TRPM2: variants seen among roughly 807,000 people sequenced by gnomAD.
TRPM2 encodes estrogen-responsive element-associated gene 1 protein.
A neutral mutation model predicts 174.0 loss-of-function variants in TRPM2; 161 were observed. The observed-to-expected ratio is 0.93, with a 90% CI of 0.81 to 1.05. TRPM2 has a LOEUF of 1.05. TRPM2 is among the 50% of genes least tolerant of loss of function. The pLI is 0.00. For synonymous variants in TRPM2, 954 were observed against 861.3 expected, an observed-to-expected ratio of 1.11 and a Z score of -1.88; for missense variants, 2,057 against 2,038.0, an observed-to-expected ratio of 1.01 and a Z score of -0.18.
rs1235080002 is a variant in TRPM2, at chr21:44,405,149, A to T, written c.2546A>T (p.Tyr849Phe). 6.2e-7 allele frequency: 1 copy of T among 1,613,430 alleles called. No individual in the cohort carries two copies. Among genetic ancestry groups the T allele is most frequent in the Admixed American group, 1.7e-5 (1 of 59,994 alleles). Residue 849 changes from tyrosine (Y) to phenylalanine (F), a missense_variant, in exon 17 of 32, where the codon TAT becomes TTT. Physicochemically the swap from Tyr to Phe is conservative, Grantham distance 22. Transcript: ENST00000397928. Reference protein sequence around the residue: ...LVCEEMRQLFYDPDECGLMKK... With the variant: ...LVCEEMRQLFFDPDECGLMKK... ...CGCCCCTCTTCCCAGTAGCTCTTCT[A>T]TGACCCTGACGAGTGCGGGCTGATG... is the stretch of plus-strand genomic sequence containing the variant.
rs996097837 is a variant in TRPM2 at position 44,441,883 on chromosome 21, C to T, written c.*66C>T. The stretch of plus-strand genomic sequence containing the variant: ...CCCCCAGAAACCAGGGCTTCTCTCT[C>T]CTGAGCCTGGCCAGGACTCAGGCTG... On this transcript the variant is annotated 3_prime_UTR_variant, in exon 32 of 32. Coordinates refer to ENST00000397928, the MANE Select transcript of TRPM2 (RefSeq NM_003307.4). 1.3e-5 allele frequency: 20 copies of T among 1,517,022 alleles called. No individual in the cohort carries two copies. In the African/African-American group the frequency reaches 2.1e-4, roughly 16 times the overall value. The allele number at this position is 1,517,022 out of a possible 1,614,324, so 94.0% of individuals were successfully genotyped here.
rs771983337 is a variant in TRPM2, at chr21:44,405,931, G to C, written c.2684G>C (p.Gly895Ala). ...CTCATCCCGGCGACGCTGTACCCCGGGCGCGTCATCCTCTCTCTGGACTTC... is the reference window on the plus strand; with the variant it reads ...CTCATCCCGGCGACGCTGTACCCCGCGCGCGTCATCCTCTCTCTGGACTTC... ...CRLIPATLYPGRVILSLDFIL... is the reference protein window; with the variant it reads ...CRLIPATLYPARVILSLDFIL... Residue 895 changes from glycine (G) to alanine (A), a missense_variant, in exon 18 of 32, where the codon GGG becomes GCG. By Grantham distance (60) the Gly-to-Ala change is moderately conservative. Coordinates refer to ENST00000397928, the MANE Select transcript of TRPM2 (RefSeq NM_003307.4). The C allele has an allele frequency of 3.7e-6, 6 of 1,606,128 alleles. No individual in the cohort carries two copies. The highest frequency in any genetic ancestry group is 4.2e-6 in the Non-Finnish European group (5 of 1,179,688).
Position 44,410,345 on chromosome 21 carries a change from GTTGGTGTAGCCTTGTAGTAAGTTT to G in TRPM2, c.2963-3544_2963-3521del, listed in dbSNP as rs1569084348. Among the ~76,000 whole-genome samples the G allele has an allele frequency of 2.4e-3, 103 of 42,556 alleles. 2 individuals carry two copies. Among genetic ancestry groups the G allele is most frequent in the African/African-American group, 5.5e-3 (82 of 14,810 alleles). The allele number at this position is 42,556 out of a possible 152,430, so 27.9% of individuals were successfully genotyped here. On this transcript the variant is annotated intron_variant, in intron 19 of 31. Transcript: ENST00000397928. ...AGTAAGTTTTGACCACACTGTCTTG[GTTGGTGTAGCCTTGTAGTAAGTTT>G]TGACCACACTGTCTTGGTGTAGCCT...
At chr21:44,378,505 C>T (rs898662479) in intron 7 of TRPM2, among the ~76,000 whole-genome samples, 16 of 152,272 alleles carry the variant, frequency 1.1e-4, no homozygotes, top group African/African-American at 3.4e-4. Flanking sequence ...CTTCACGGCT[C>T]TTCTGCTGGG....
rs988914053 is a variant in TRPM2, at chr21:44,438,743, G to A, written c.4168-324G>A. Among the ~76,000 whole-genome samples the A allele has an allele frequency of 6.6e-6, 1 of 152,188 alleles. No homozygotes were observed. The highest frequency in any genetic ancestry group is 2.4e-5 in the African/African-American group (1 of 41,444). On this transcript the variant is annotated intron_variant, in intron 29 of 31. Transcript: ENST00000397928. The surrounding 1 kb of genome is among the most constrained non-coding windows in gnomAD (Gnocchi z 5.9). ...GCTGGGAGGGGCGACGCGGGGGCAG[G>A]CGCCAGGGGAGCGGGAAGGGGGTGC...
chr21:44,394,541 G>C lies in TRPM2; in HGVS notation c.1795-873G>C, dbSNP rs546960534. ...TCACTGCGTTAGCCAGGATGGTCTC[G>C]ATCTCCTGACCTCGTGATACTCCCG... On this transcript the variant is annotated intron_variant, in intron 11 of 31. Transcript: ENST00000397928. 7.9e-5 allele frequency among the ~76,000 whole-genome samples: 12 copies of C among 151,424 alleles called. No individual in the cohort carries two copies. The East Asian group carries it at 9.9e-4, about 13-fold the overall frequency.
intron 27 of TRPM2, among the ~76,000 whole-genome samples, chr21:44,428,884 C>T (rs2050928947): frequency 6.6e-6 from 1 of 152,258 alleles, no homozygotes; most frequent in Admixed American, 6.5e-5. Context: ...GCTCTGTATG[C>T]CTCTGTCCCA....
At position 44,366,192 on chromosome 21, in the gene TRPM2, G is replaced by T. The variant is rs994262856; in HGVS notation, c.424-562G>T. 6.6e-6 allele frequency among the ~76,000 whole-genome samples: 1 copy of T among 152,020 alleles called. No homozygotes were observed. Among genetic ancestry groups the T allele is most frequent in the Non-Finnish European group, 1.5e-5 (1 of 68,016 alleles). ...CGTGTTCAGACGGGAGGCAGAGGAA[G>T]CTGGGCCCACTGAGTCCCCAGGACG... On this transcript the variant is annotated intron_variant, in intron 3 of 31. Coordinates refer to ENST00000397928, the MANE Select transcript of TRPM2 (RefSeq NM_003307.4). The surrounding 1 kb of genome is among the most constrained non-coding windows in gnomAD (Gnocchi z 6.0).
rs1192845626 is a variant in TRPM2, at chr21:44,413,884, A to G, written c.2963-7A>G. 1.9e-6 allele frequency: 3 copies of G among 1,604,468 alleles called. No homozygotes were observed. Among genetic ancestry groups the G allele is most frequent in the African/African-American group, 1.3e-5 (1 of 74,636 alleles). ...CTTGGCTCACCCACCCCCATTCCCA[A>G]CGCCAGGTGTGAACTTCAACCCGGA... is the stretch of plus-strand genomic sequence containing the variant. On this transcript the variant is annotated splice_polypyrimidine_tract_variant and splice_region_variant and intron_variant, in intron 19 of 31. Transcript: ENST00000397928.
Position 44,391,563 on chromosome 21 carries a change from C to A in TRPM2, c.1732C>A (p.Pro578Thr). The A allele has an allele frequency of 1.3e-6, 2 of 1,594,590 alleles. No homozygotes were observed. The highest frequency in any genetic ancestry group is 1.7e-6 in the Non-Finnish European group (2 of 1,176,094). The change falls in exon 11 of 32, where the codon CCC (proline) becomes ACC (threonine). Residue 578 changes from proline to threonine, a missense_variant. Coordinates refer to ENST00000397928, the MANE Select transcript of TRPM2 (RefSeq NM_003307.4). This position sits in a 1 kb window ranked among gnomAD's most constrained non-coding sequence, Gnocchi z 5.0. ...GGGGGACTTCACGCAGCCGCTTTATCCCCGGCCCCGGCACAACGACCGGCT... is the reference window on the plus strand; with the variant it reads ...GGGGGACTTCACGCAGCCGCTTTATACCCGGCCCCGGCACAACGACCGGCT... ...LLGDFTQPLY[P>T]RPRHNDRLRL... is the part of the protein sequence containing the mutation.
chr21:44,391,519 A>G lies in TRPM2; in HGVS notation c.1688A>G (p.Gln563Arg). ...APRLQMHHVA[Q>R]VLRELLGDFT... ...CGCCTGCAGATGCACCACGTGGCCC[A>G]GGTGCTGCGGGAGCTGCTGGGGGAC... is the stretch of plus-strand genomic sequence containing the variant. The change falls in exon 11 of 32, where the codon CAG becomes CGG. Residue 563 changes from glutamine (Q) to arginine (R), a missense_variant. Gln to Arg is a conservative substitution (Grantham distance 43). Coordinates refer to ENST00000397928, the MANE Select transcript of TRPM2 (RefSeq NM_003307.4). The surrounding 1 kb of genome is among the most constrained non-coding windows in gnomAD (Gnocchi z 5.0). 1 of 1,608,368 alleles carries G rather than the reference A, an allele frequency of 6.2e-7. No homozygotes were observed. The highest frequency in any genetic ancestry group is 8.5e-7 in the Non-Finnish European group (1 of 1,178,946).
At chr21:44,433,325 C>T (rs1182554251) in intron 27 of TRPM2, among the ~76,000 whole-genome samples, 2 of 152,216 alleles carry the variant, frequency 1.3e-5, no homozygotes, top group African/African-American at 4.8e-5. Context: ...AGCTTCTTGA[C>T]CAATGCACTG....
Position 44,423,106 on chromosome 21 carries a change from C to T in TRPM2, c.3462-539C>T, listed in dbSNP as rs149841112. Reference sequence around the variant, plus strand: ...CCAAACATTTCCAGAATAATAGCGCCGCTCTACAACCCCACAAAATAAGAC... The same window carrying T: ...CCAAACATTTCCAGAATAATAGCGCTGCTCTACAACCCCACAAAATAAGAC... On this transcript the variant is annotated intron_variant, in intron 22 of 31. Transcript: ENST00000397928. Among the ~76,000 whole-genome samples, 23 of 4,396 alleles carry T rather than the reference C, an allele frequency of 5.2e-3. 7 individuals are homozygous for T. The highest frequency in any genetic ancestry group is 8.0e-3 in the African/African-American group (23 of 2,874). 2.9% of individuals were successfully genotyped at this position (4,396 alleles called of 152,430 possible).
At chr21:44,397,723 C>T in intron 12 of TRPM2, 24 bp from the exon 13 acceptor site, 1 of 1,545,404 alleles carries the variant, frequency 6.5e-7, no homozygotes, top group Non-Finnish European at 8.7e-7. Context: ...TCTTTAGTCT[C>T]ACGGTGGCTC....
chr21:44,441,701 G>A lies in TRPM2; in HGVS notation c.4396G>A (p.Ala1466Thr), dbSNP rs569048007. The stretch of plus-strand genomic sequence containing the variant: ...GCCCTTGTTCTTCCAGAACCTGCAC[G>A]CCTGCGACTCGGGGGCCTCCATCCG... ...ELNRLNSNLHACDSGASIRWQ... is the reference protein window; with the variant it reads ...ELNRLNSNLHTCDSGASIRWQ... The change falls in exon 32 of 32, where the codon GCC becomes ACC. Residue 1466 changes from alanine to threonine, a missense_variant. Physicochemically the swap from Ala to Thr is moderately conservative, Grantham distance 58. Coordinates refer to ENST00000397928, the MANE Select transcript of TRPM2 (RefSeq NM_003307.4). 2.3e-5 allele frequency: 37 copies of A among 1,610,110 alleles called. No individual in the cohort carries two copies. In the Middle Eastern group the frequency reaches 5.0e-4, roughly 22 times the overall value.
chr21:44,353,047 T>C (rs1482936445), upstream of TRPM2, among the ~76,000 whole-genome samples: 1 of 152,120 alleles, frequency 6.6e-6, no homozygotes, highest in African/African-American at 2.4e-5. Context: ...TCCCAGCTAC[T>C]GGGGAGGCTA....
chr21:44,356,419 A>T (rs1362064488), intron 2 of TRPM2, among the ~76,000 whole-genome samples: 1 of 151,828 alleles, frequency 6.6e-6, no homozygotes, highest in East Asian at 2.0e-4. Context: ...CACACGAGAA[A>T]GTATTTGGAG....
intron 20 of TRPM2, among the ~76,000 whole-genome samples, chr21:44,417,330 G>GA (rs2050332815): frequency 1.9e-5 from 2 of 103,974 alleles, no homozygotes; most frequent in African/African-American, 3.7e-5. Context: ...CTGCTCTCTG[G>GA]CATCACAGTG....
At chr21:44,395,966 C>G (rs1253533458) in intron 12 of TRPM2, among the ~76,000 whole-genome samples, 1 of 15,626 alleles carries the variant, frequency 6.4e-5, no homozygotes, top group Non-Finnish European at 1.1e-4. Context: ...GTGTGGAGGG[C>G]TGTGGAGGAT....
Sources: allele counts gnomAD v4.1 joint callset (sites outside exome capture counted in the v4.1 genomes callset), GRCh38; gene constraint gnomAD v4.1.1; non-coding constraint Gnocchi (gnomAD v3.1); transcripts MANE v1.5; gene names NCBI Gene and HGNC (gene_info 2026-07-23, HGNC 2026-07-21).